NUP98: variants seen among roughly 807,000 people sequenced by gnomAD.
The protein encoded by NUP98 is nucleoporin 98 and 96 precursor, also known as nuclear pore complex protein Nup98-Nup96.
Under a neutral mutation model 191.9 loss-of-function variants are expected in NUP98, and 26 were observed. That is an observed-to-expected ratio of 0.14 (90% CI 0.10 to 0.19). The LOEUF is 0.19. Ranked by LOEUF, NUP98 falls within the 10% of genes least tolerant of loss-of-function variation. NUP98 has a pLI of 1.00. For synonymous variants in NUP98, 808 were observed against 778.4 expected, an observed-to-expected ratio of 1.04 and a Z score of -0.63; for missense variants, 1,941 against 2,178.8, an observed-to-expected ratio of 0.89 and a Z score of 2.17.
chr11:3,757,948 C>T (rs867785662), intron 10 of NUP98, among the ~76,000 whole-genome samples: 4 of 151,976 alleles, frequency 2.6e-5, no homozygotes, highest in Non-Finnish European at 5.9e-5. Context: ...TTGTGGCCCT[C>T]CAGAGAGTCA....
intron 19 of NUP98, 79 bp downstream of exon 19, chr11:3,713,739 A>T: frequency 7.3e-7 from 1 of 1,364,688 alleles, no homozygotes; most frequent in Non-Finnish European, 1.0e-6. Flanking sequence ...AGAATTTAGC[A>T]AAGGATCCCT....
At position 3,762,997 on chromosome 11, in the gene NUP98, A is replaced by G. The variant is rs1362927314; in HGVS notation, c.991T>C (p.Phe331Leu). 1.2e-6 allele frequency: 2 copies of G among 1,614,146 alleles called. No individual in the cohort carries two copies. The highest frequency in any genetic ancestry group is 2.2e-5 in the East Asian group (1 of 44,882). The change falls in exon 9 of 33, where the codon TTT (phenylalanine) becomes CTT (leucine). Residue 331 changes from phenylalanine to leucine, a missense_variant. By Grantham distance (22) the Phe-to-Leu change is conservative (BLOSUM62 0). Coordinates refer to ENST00000324932, the MANE Select transcript of NUP98 (RefSeq NM_016320.5). ...VTQASQPGGL[F>L]GTATNTSTGT... is the part of the protein sequence containing the mutation. ...GTGCTGGTGTTTGTAGCTGTCCCAAAAAGACCTCCAGGCTGTGAGGCTTGG... is the reference window on the plus strand; with the variant it reads ...GTGCTGGTGTTTGTAGCTGTCCCAAGAAGACCTCCAGGCTGTGAGGCTTGG...
intron 1 of NUP98, among the ~76,000 whole-genome samples, chr11:3,792,394 G>A (rs1028250685): frequency 1.3e-5 from 2 of 152,026 alleles, no homozygotes; most frequent in African/African-American, 4.8e-5. Context: ...AAGATCACTT[G>A]ATGTCAGGAG....
In NUP98 at chr11:3,711,892, G is replaced by C. The variant is rs1398337479; in HGVS notation, c.2742+672C>G. 8 of 1,036,462 alleles carry C rather than the reference G, an allele frequency of 7.7e-6. No individual in the cohort carries two copies. The African/African-American group carries it at 1.3e-4, about 17-fold the overall frequency. 64.2% of individuals were successfully genotyped at this position (1,036,462 alleles called of 1,614,324 possible). On this transcript the variant is annotated intron_variant, in intron 20 of 32. Coordinates refer to ENST00000324932, the MANE Select transcript of NUP98 (RefSeq NM_016320.5). The stretch of plus-strand genomic sequence containing the variant: ...AAACCACACATTTCAGCAGCCATAA[G>C]AATTATAGCATGGAAAATACCAAAG...
In NUP98 at chr11:3,678,062, T is replaced by C. The variant is rs770706718; in HGVS notation, c.5074-1442A>G. ...GGGGAGGCTGAGGCAGGAGAATTGT[T>C]TGAAGCTGGGAGATGCAGTGAGCTG... On this transcript the variant is annotated intron_variant, in intron 31 of 32. Coordinates refer to ENST00000324932, the MANE Select transcript of NUP98 (RefSeq NM_016320.5). 3.0e-4 allele frequency among the ~76,000 whole-genome samples: 45 copies of C among 151,796 alleles called. 1 individual carries two copies. The highest frequency in any genetic ancestry group is 5.7e-4 in the Non-Finnish European group (39 of 67,960).
At position 3,796,714 on chromosome 11, in the gene NUP98, T is replaced by G. The variant is rs1451756880; in HGVS notation, c.-29+686A>C. Among the ~76,000 whole-genome samples, 3 of 152,204 alleles carry G rather than the reference T, an allele frequency of 2.0e-5. No homozygotes were observed. The East Asian group carries it at 5.8e-4, about 29-fold the overall frequency. On this transcript the variant is annotated intron_variant, in intron 1 of 32. Transcript: ENST00000324932. The stretch of plus-strand genomic sequence containing the variant: ...GTTTAGACTGTCAAAAATCTGGCAT[T>G]GGCTAATCCTGCCTGTTACTCCGGG...
intron 1 of NUP98, among the ~76,000 whole-genome samples, chr11:3,794,183 C>T (rs1463905761): frequency 1.3e-5 from 2 of 152,126 alleles, no homozygotes; most frequent in African/African-American, 4.8e-5. Flanking sequence ...CCCAAAGTCT[C>T]AAAGTTCCAA....
At chr11:3,723,114 A>G in intron 16 of NUP98, 43 bp downstream of exon 16, 1 of 1,566,556 alleles carries the variant, frequency 6.4e-7, no homozygotes, top group Non-Finnish European at 8.7e-7. Flanking sequence ...AGTCATCTCG[A>G]ATGACTGGTA....
intron 11 of NUP98, among the ~76,000 whole-genome samples, chr11:3,749,694 C>A (rs910091966): frequency 2.0e-5 from 3 of 151,242 alleles, no homozygotes; most frequent in Non-Finnish European, 4.4e-5. Flanking sequence ...AAAAAAGAAA[C>A]AATAATCCAA....
intron 7 of NUP98, among the ~76,000 whole-genome samples, chr11:3,769,686 T>C (rs2081458232): frequency 6.6e-6 from 1 of 151,112 alleles, no homozygotes; most frequent in Non-Finnish European, 1.5e-5. Flanking sequence ...AGACGGGTGA[T>C]CACCTGAGAT....
intron 23 of NUP98, among the ~76,000 whole-genome samples, chr11:3,701,322 T>A (rs2078671224): frequency 6.7e-6 from 1 of 148,976 alleles, no homozygotes; most frequent in African/African-American, 2.5e-5. Context: ...TGCAGTAGCG[T>A]GATCTTGGCT....
intron 20 of NUP98, among the ~76,000 whole-genome samples, chr11:3,709,044 G>C (rs928225704): frequency 6.6e-6 from 1 of 152,134 alleles, no homozygotes; most frequent in Non-Finnish European, 1.5e-5. Flanking sequence ...ATTGAAACAA[G>C]GCTGCCAATA....
rs537147629 is a variant in NUP98, at chr11:3,702,280, GACACAC to G, written c.3512+177_3512+182del. On this transcript the variant is annotated intron_variant, in intron 23 of 32. Transcript: ENST00000324932. ...CACCGGGGAAACAGAGCAAAACTGAGACACACACACACACACACACACACACACACA... is the reference window on the plus strand; with the variant it reads ...CACCGGGGAAACAGAGCAAAACTGAGACACACACACACACACACACACACA... 4.3e-3 allele frequency among the ~76,000 whole-genome samples: 464 copies of G among 108,418 alleles called. 3 individuals carry two copies. The highest frequency in any genetic ancestry group is 6.8e-3 in the Non-Finnish European group (373 of 54,906). The allele number at this position is 108,418 out of a possible 152,430, so 71.1% of individuals were successfully genotyped here.
At chr11:3,795,642 AAAGAT>A (rs549855273) in intron 1 of NUP98, among the ~76,000 whole-genome samples, 14 of 152,330 alleles carry the variant, frequency 9.2e-5, no homozygotes, top group Admixed American at 3.9e-4. Flanking sequence ...ACTGGACAAC[AAAGAT>A]AAGATGAAAA....
intron 29 of NUP98, among the ~76,000 whole-genome samples, chr11:3,684,766 C>CAAAAAAAAAAAAAAAAAAAAA (rs71041370): frequency 9.8e-6 from 1 of 101,802 alleles, no homozygotes; most frequent in African/African-American, 3.9e-5. Context: ...TTTCACAGGC[C>CAAAAAAAAAAAAAAAAAAAAA]AAAAAAAAAA....
chr11:3,755,854 C>G (rs2080942272), intron 10 of NUP98, among the ~76,000 whole-genome samples: 1 of 151,840 alleles, frequency 6.6e-6, no homozygotes, highest in African/African-American at 2.4e-5. Context: ...ATCCCAACTA[C>G]TTGGGAGGCT....
intron 12 of NUP98, among the ~76,000 whole-genome samples, chr11:3,740,129 A>G (rs2134344196): frequency 6.6e-6 from 1 of 152,316 alleles, no homozygotes; most frequent in Middle Eastern, 3.4e-3. Context: ...AATGACGCGT[A>G]TCTACCTTGG....
chr11:3,792,347 T>C (rs1465604957), intron 1 of NUP98, among the ~76,000 whole-genome samples: 3 of 152,166 alleles, frequency 2.0e-5, no homozygotes, highest in African/African-American at 4.8e-5. Context: ...ATGGGGCTCA[T>C]GCCTGTAATG....
intron 22 of NUP98, 60 bp downstream of exon 22, chr11:3,705,140 G>GA: frequency 6.5e-7 from 1 of 1,542,186 alleles, no homozygotes; most frequent in Non-Finnish European, 8.9e-7. Flanking sequence ...GAAGAAAAGT[G>GA]AAAAGCAGGA....
Sources: allele counts gnomAD v4.1 joint callset (sites outside exome capture counted in the v4.1 genomes callset), GRCh38; gene constraint gnomAD v4.1.1; transcripts MANE v1.5; gene names NCBI Gene and HGNC (gene_info 2026-07-23, HGNC 2026-07-21).